Variants in FHIT observed in about 807,000 individuals in gnomAD.
FHIT encodes the protein fragile histidine triad diadenosine triphosphatase.
A neutral mutation model predicts 17.9 loss-of-function variants in FHIT; 19 were observed. The ratio of observed to expected loss-of-function variants is 1.06; its 90% CI spans 0.74 to 1.56. The LOEUF (loss-of-function observed/expected upper bound fraction) is 1.56, where lower values mean the gene tolerates loss of function less well. FHIT is among the 40% of genes most tolerant of loss of function. The pLI, the probability that FHIT is intolerant of heterozygous loss-of-function variation, is 0.00. For missense variants in FHIT, 248 were observed against 189.2 expected (o/e 1.31, Z -1.82); for synonymous variants, 81 against 69.7 (o/e 1.16, Z -0.81).
chr3:59,984,731 ATTAAGT>A (rs1338152055), intron 7 of FHIT, among the ~76,000 whole-genome samples: 1 of 152,066 alleles, frequency 6.6e-6, no homozygotes. Context: ...CCAAGCTCCT[ATTAAGT>A]TTGAGTTTTC....
intron 4 of FHIT, among the ~76,000 whole-genome samples, chr3:60,687,748 T>C (rs2107876868): frequency 6.6e-6 from 1 of 152,260 alleles, no homozygotes; most frequent in East Asian, 1.9e-4. Context: ...TCAATAAAAG[T>C]GTATTAAAGT....
intron 3 of FHIT, among the ~76,000 whole-genome samples, chr3:60,964,300 T>C (rs1553782330): frequency 3.9e-5 from 6 of 152,054 alleles, no homozygotes; most frequent in Non-Finnish European, 4.4e-5. Context: ...TCTTCCTCCA[T>C]CCCTTTAGTT....
intron 4 of FHIT, among the ~76,000 whole-genome samples, chr3:60,595,532 C>CACAT (rs1553666008): frequency 1.3e-4 from 20 of 148,908 alleles, no homozygotes; most frequent in African/African-American, 4.4e-4. Context: ...GACACACACA[C>CACAT]ATATATATGT....
At chr3:60,384,292 A>T (rs961823986) in intron 5 of FHIT, among the ~76,000 whole-genome samples, 4 of 152,000 alleles carry the variant, frequency 2.6e-5, no homozygotes, top group African/African-American at 7.2e-5. Flanking sequence ...AATTGGAGAT[A>T]ATTTTTAATA....
intron 8 of FHIT, among the ~76,000 whole-genome samples, chr3:59,879,717 T>A (rs899247811): frequency 5.9e-5 from 9 of 152,176 alleles, no homozygotes; most frequent in African/African-American, 2.2e-4. Context: ...TATTGGACAC[T>A]GGCAATGATG....
chr3:60,238,223 T>C (rs1704914894), intron 5 of FHIT, among the ~76,000 whole-genome samples: 2 of 149,310 alleles, frequency 1.3e-5, no homozygotes, highest in Admixed American at 1.3e-4. Flanking sequence ...TCTTAATGAG[T>C]TCCTCAGGTT....
At chr3:61,097,162 CG>C (rs2035668662) in intron 2 of FHIT, among the ~76,000 whole-genome samples, 1 of 151,466 alleles carries the variant, frequency 6.6e-6, no homozygotes, top group Non-Finnish European at 1.5e-5. Flanking sequence ...CCAGCGTGAG[CG>C]ATGCAGAAGA....
chr3:60,075,156 A>C (rs1702948516), intron 5 of FHIT, among the ~76,000 whole-genome samples: 1 of 152,152 alleles, frequency 6.6e-6, no homozygotes, highest in African/African-American at 2.4e-5. Context: ...ACAGGAAATA[A>C]AGGCACATTT....
At chr3:60,111,493 A>C (rs561672976) in intron 5 of FHIT, among the ~76,000 whole-genome samples, 5 of 152,342 alleles carry the variant, frequency 3.3e-5, no homozygotes, top group African/African-American at 1.2e-4. Context: ...CATGCAGATT[A>C]GTTTCTTCCA....
intron 4 of FHIT, among the ~76,000 whole-genome samples, chr3:60,562,248 A>T (rs919122611): frequency 5.3e-5 from 8 of 152,236 alleles, no homozygotes; most frequent in African/African-American, 1.9e-4. Context: ...TTACGGAAAG[A>T]CAGCAGTGAA....
intron 2 of FHIT, among the ~76,000 whole-genome samples, chr3:61,119,953 T>C (rs2036408420): frequency 6.6e-6 from 1 of 152,210 alleles, no homozygotes; most frequent in Non-Finnish European, 1.5e-5. Context: ...ATGGGACTTC[T>C]CCACCTCCAT....
At chr3:60,721,535 T>C (rs1211662985) in intron 4 of FHIT, among the ~76,000 whole-genome samples, 1 of 152,110 alleles carries the variant, frequency 6.6e-6, no homozygotes, top group African/African-American at 2.4e-5. Context: ...TCAGAATTGT[T>C]ATAAAAGGAA....
intron 3 of FHIT, among the ~76,000 whole-genome samples, chr3:60,972,625 C>T (rs1710072950): frequency 6.6e-6 from 1 of 150,612 alleles, no homozygotes; most frequent in South Asian, 2.1e-4. Context: ...TTGGAAAATT[C>T]TTTACTGCTA....
chr3:60,968,527 T>C (rs7372419), intron 3 of FHIT, among the ~76,000 whole-genome samples: 98,768 of 151,362 alleles, frequency 0.65, 33,073 homozygotes, highest in African/African-American at 0.79. Flanking sequence ...ATTCTCCTGC[T>C]TCAGCCTCCC....
At chr3:61,197,216 C>CAT (rs1450487743) in intron 2 of FHIT, among the ~76,000 whole-genome samples, 1 of 152,178 alleles carries the variant, frequency 6.6e-6, no homozygotes, top group African/African-American at 2.4e-5. Flanking sequence ...TAAGCACTTT[C>CAT]ATATATATTG....
intron 3 of FHIT, among the ~76,000 whole-genome samples, chr3:60,877,939 G>A (rs926804870): frequency 3.3e-5 from 5 of 152,106 alleles, no homozygotes; most frequent in Admixed American, 2.0e-4. Context: ...TGGAGTCTGG[G>A]ATACAGATAT....
intron 4 of FHIT, among the ~76,000 whole-genome samples, chr3:60,572,946 C>T (rs1432419251): frequency 1.3e-5 from 2 of 152,142 alleles, no homozygotes; most frequent in East Asian, 3.9e-4. Context: ...TCGTTTCATC[C>T]TCTTGATGTC....
intron 2 of FHIT, among the ~76,000 whole-genome samples, chr3:61,106,431 G>A (rs1457239483): frequency 6.6e-6 from 1 of 152,056 alleles, no homozygotes; most frequent in Non-Finnish European, 1.5e-5. Flanking sequence ...AATTAAAACT[G>A]TATGTTTTAC....
At chr3:60,427,062 G>C (rs1261143054) in intron 5 of FHIT, among the ~76,000 whole-genome samples, 1 of 152,046 alleles carries the variant, frequency 6.6e-6, no homozygotes, top group Non-Finnish European at 1.5e-5. Context: ...ATTATCTTGG[G>C]TGGGCCTGAC....
Sources: allele counts gnomAD v4.1 joint callset (sites outside exome capture counted in the v4.1 genomes callset), GRCh38; gene constraint gnomAD v4.1.1; transcripts MANE v1.5; gene names NCBI Gene and HGNC (gene_info 2026-07-23, HGNC 2026-07-21).